CCDC152: variants seen among roughly 807,000 people sequenced by gnomAD.
The protein encoded by CCDC152 is coiled-coil domain containing 152.
Under a neutral mutation model 38.1 loss-of-function variants are expected in CCDC152, and 37 were observed. That is an observed-to-expected ratio of 0.97 (90% CI 0.75 to 1.28). The LOEUF is 1.28. Among genes scored for constraint, CCDC152 ranks in the 50% most tolerant of loss-of-function variants. The probability of loss-of-function intolerance (pLI) is 0.00; values close to 1 mark genes in which losing one functional copy is unlikely to be tolerated. For synonymous variants in CCDC152, 83 were observed against 87.1 expected, an observed-to-expected ratio of 0.95 and a Z score of 0.26; for missense variants, 259 against 292.1, an observed-to-expected ratio of 0.89 and a Z score of 0.83.
intron 2 of CCDC152, among the ~76,000 whole-genome samples, chr5:42,761,483 C>T (rs1561271295): frequency 2.6e-5 from 4 of 151,982 alleles, no homozygotes; most frequent in African/African-American, 9.7e-5. Context: ...GGTGTGGTGG[C>T]GTGCCCCTGT....
At position 42,793,807 on chromosome 5, in the gene CCDC152, C is replaced by T. The variant is rs137957143; in HGVS notation, c.431-3022C>T. Among the ~76,000 whole-genome samples the T allele has an allele frequency of 5.2e-3, 790 of 152,252 alleles. 8 individuals are homozygous for T. The highest frequency in any genetic ancestry group is 0.018 in the African/African-American group (763 of 41,542). On this transcript the variant is annotated intron_variant, in intron 6 of 8. Coordinates refer to ENST00000361970, the MANE Select transcript of CCDC152 (RefSeq NM_001134848.2). ...TATTTTTAGTAGAGACAGGGTTTCA[C>T]CATGTTGGTCAGACTGGTCTTGAAC... is the stretch of plus-strand genomic sequence containing the variant.
In CCDC152 at chr5:42,801,560, T is replaced by C; in HGVS notation, c.*1779T>C. The C allele has an allele frequency of 2.2e-6, 1 of 463,116 alleles. No homozygotes were observed. Among genetic ancestry groups the C allele is most frequent in the Non-Finnish European group, 3.7e-6 (1 of 266,920 alleles). The allele number at this position is 463,116 out of a possible 1,614,324, so 28.7% of individuals were successfully genotyped here. A position where few individuals can be genotyped will look rare whatever the true frequency, so the allele number is the denominator to read the frequency against. ...CTGTACTTATATTTGCAGAAGCAAA[T>C]GAAGTAAACTGGCAAAAGGAACTTG... On this transcript the variant is annotated 3_prime_UTR_variant, in exon 9 of 9. Transcript: ENST00000361970.
At chr5:42,794,410 G>C (rs1008436332) in intron 6 of CCDC152, among the ~76,000 whole-genome samples, 2 of 152,192 alleles carry the variant, frequency 1.3e-5, no homozygotes, top group African/African-American at 4.8e-5. Flanking sequence ...TCTGTTGGGA[G>C]CTTAAGAAGC....
intron 1 of CCDC152, among the ~76,000 whole-genome samples, chr5:42,757,520 GT>G (rs1759496789): frequency 1.3e-5 from 2 of 152,174 alleles, no homozygotes. Context: ...AGCCTTGAAG[GT>G]CACAAATCAG....
intron 1 of CCDC152, among the ~76,000 whole-genome samples, chr5:42,757,663 A>G (rs763506588): frequency 6.6e-6 from 1 of 152,230 alleles, no homozygotes; most frequent in Non-Finnish European, 1.5e-5. Context: ...GAAGATACCT[A>G]GAAATGAATT....
chr5:42,771,606 G>A (rs564945793), intron 4 of CCDC152, among the ~76,000 whole-genome samples: 2 of 151,834 alleles, frequency 1.3e-5, no homozygotes, highest in African/African-American at 2.4e-5. Context: ...AATCCTAGGG[G>A]GCGTGAGGAG....
At position 42,769,683 on chromosome 5, in the gene CCDC152, G is replaced by GT; in HGVS notation, c.262+19dup. ...TTTGAAAGGTAAGTTAGAAAAAAAA[G>GT]TAAAATCTAAAAAAGCATTGTGTAT... On this transcript the variant is annotated intron_variant, in intron 4 of 8. Transcript: ENST00000361970. The GT allele has an allele frequency of 6.8e-7, 1 of 1,462,644 alleles. No individual in the cohort carries two copies. The highest frequency in any genetic ancestry group is 9.0e-7 in the Non-Finnish European group (1 of 1,105,230). 90.6% of individuals were successfully genotyped at this position (1,462,644 alleles called of 1,614,324 possible).
chr5:42,761,352 C>T (rs1421863609), intron 2 of CCDC152, among the ~76,000 whole-genome samples: 9 of 152,268 alleles, frequency 5.9e-5, no homozygotes, highest in African/African-American at 2.2e-4. Flanking sequence ...CGGTAGCTCA[C>T]GCCTGTAATC....
At chr5:42,790,462 A>G (rs1759984267) in intron 6 of CCDC152, among the ~76,000 whole-genome samples, 1 of 152,242 alleles carries the variant, frequency 6.6e-6, no homozygotes, top group African/African-American at 2.4e-5. Context: ...ATAAAATGGT[A>G]CAGTCACTTT....
At chr5:42,774,581 A>G (rs1426068583) in intron 4 of CCDC152, among the ~76,000 whole-genome samples, 2 of 152,236 alleles carry the variant, frequency 1.3e-5, no homozygotes, top group African/African-American at 4.8e-5. Context: ...CCATCTCACC[A>G]AAGGGGAGAG....
At chr5:42,797,021 T>A in intron 7 of CCDC152, 65 bp downstream of exon 7, 1 of 1,221,312 alleles carries the variant, frequency 8.2e-7, no homozygotes, top group Non-Finnish European at 1.1e-6. Flanking sequence ...ACTTTGATTG[T>A]TTTTCATCAC....
At chr5:42,788,840 C>T (rs145473237) in intron 6 of CCDC152, among the ~76,000 whole-genome samples, 88 of 151,952 alleles carry the variant, frequency 5.8e-4, no homozygotes, top group African/African-American at 2.1e-3. Flanking sequence ...CTACATGGTC[C>T]TGTAGCTTCC....
intron 7 of CCDC152, among the ~76,000 whole-genome samples, chr5:42,799,008 A>G (rs1008980524): frequency 1.3e-5 from 2 of 152,074 alleles, no homozygotes; most frequent in Non-Finnish European, 2.9e-5. Context: ...ATTTTTACCT[A>G]TATTTAAGTT....
intron 7 of CCDC152, among the ~76,000 whole-genome samples, chr5:42,799,141 G>C (rs1223523845): frequency 3.4e-5 from 5 of 148,420 alleles, no homozygotes; most frequent in Non-Finnish European, 7.5e-5. Flanking sequence ...TAGAAACAAA[G>C]AAAAAAAAAA....
chr5:42,797,937 CAGG>C (rs1760097105), intron 7 of CCDC152, among the ~76,000 whole-genome samples: 1 of 151,962 alleles, frequency 6.6e-6, no homozygotes, highest in African/African-American at 2.4e-5. Context: ...CACCTAAGGT[CAGG>C]AGTTCGAGAC....
chr5:42,773,027 G>A (rs1038262695), intron 4 of CCDC152, among the ~76,000 whole-genome samples: 10 of 152,200 alleles, frequency 6.6e-5, no homozygotes, highest in Non-Finnish European at 1.5e-4. Context: ...GATGGACTAT[G>A]TTCTTCTGGT....
chr5:42,786,613 G>T, intron 6 of CCDC152, among the ~76,000 whole-genome samples: 1 of 151,900 alleles, frequency 6.6e-6, no homozygotes, highest in Middle Eastern at 3.2e-3. Context: ...CCTTTGTATG[G>T]ATTTTTGGAG....
Position 42,800,463 on chromosome 5 carries a change from AAC to A in CCDC152, c.*685_*686del. The A allele has an allele frequency of 7.8e-6, 3 of 382,900 alleles. No homozygotes were observed. The highest frequency in any genetic ancestry group is 1.4e-5 in the Non-Finnish European group (3 of 216,136). The allele number at this position is 382,900 out of a possible 1,614,324, so 23.7% of individuals were successfully genotyped here. A position where few individuals can be genotyped will look rare whatever the true frequency, so the allele number is the denominator to read the frequency against. Reference sequence around the variant, plus strand: ...TTTCTATTCTCATTAAAGCAAATAGAACACTGGAAAAAGAAAAAAAAAGACAT... The same window carrying A: ...TTTCTATTCTCATTAAAGCAAATAGAACTGGAAAAAGAAAAAAAAAGACAT... On this transcript the variant is annotated 3_prime_UTR_variant, in exon 9 of 9. Transcript: ENST00000361970.
chr5:42,789,589 TTAATGTTA>T (rs1759971420), intron 6 of CCDC152, among the ~76,000 whole-genome samples: 1 of 152,218 alleles, frequency 6.6e-6, no homozygotes, highest in African/African-American at 2.4e-5. Flanking sequence ...GTATTTACAC[TTAATGTTA>T]TCTAATGTGA....
Sources: allele counts gnomAD v4.1 joint callset (sites outside exome capture counted in the v4.1 genomes callset), GRCh38; gene constraint gnomAD v4.1.1; transcripts MANE v1.5; gene names NCBI Gene and HGNC (gene_info 2026-07-23, HGNC 2026-07-21).